The following RBMS3 variants were observed in gnomAD, a reference collection of about 807,000 sequenced individuals.
RBMS3 encodes RNA-binding motif, single-stranded-interacting protein 3.
A neutral mutation model predicts 66.8 loss-of-function variants in RBMS3; 27 were observed. That is an observed-to-expected ratio of 0.40 (90% CI 0.30 to 0.56). The LOEUF is 0.56. Among genes scored for constraint, RBMS3 ranks in the 20% least tolerant of loss-of-function variants. The pLI is 0.40. For missense variants in RBMS3, 513 were observed against 549.5 expected (o/e 0.93, Z 0.66); for synonymous variants, 188 against 183.0 (o/e 1.03, Z -0.22).
At position 29,382,736 on chromosome 3, in the gene RBMS3, C is replaced by T. The variant is rs112804694; in HGVS notation, c.76-52007C>T. On this transcript the variant is annotated intron_variant, in intron 1 of 14. Coordinates refer to ENST00000383767, the MANE Select transcript of RBMS3 (RefSeq NM_001003793.3). ...TGTGGCAATTCAGTATTTTATTTTT[C>T]GTTTATATCCCCTTTCTATACTACC... Among the ~76,000 whole-genome samples the T allele has an allele frequency of 2.5e-3, 378 of 152,178 alleles. 5 individuals are homozygous for T. Among genetic ancestry groups the T allele is most frequent in the African/African-American group, 8.7e-3 (362 of 41,510 alleles).
At chr3:29,797,607 C>A (rs962276863) in intron 6 of RBMS3, 2 of 152,126 alleles carry the variant, frequency 1.3e-5, no homozygotes, top group East Asian at 3.8e-4. Flanking sequence ...CAGACTATCC[C>A]GACTTTTGAC....
intron 3 of RBMS3, among the ~76,000 whole-genome samples, chr3:29,546,108 T>TTGTG (rs71091070): frequency 0.095 from 13,809 of 145,770 alleles, 697 homozygotes; most frequent in South Asian, 0.11. Flanking sequence ...TGAGACGGGT[T>TTGTG]TGTGTGTGTG....
At chr3:29,331,383 A>G (rs1050841424) in intron 1 of RBMS3, among the ~76,000 whole-genome samples, 1 of 152,114 alleles carries the variant, frequency 6.6e-6, no homozygotes, top group African/African-American at 2.4e-5. Context: ...GAACTCCAAT[A>G]TGTAACTTAC....
chr3:29,540,976 C>T (rs2045733756), intron 3 of RBMS3, among the ~76,000 whole-genome samples: 1 of 152,128 alleles, frequency 6.6e-6, no homozygotes, highest in African/African-American at 2.4e-5. Context: ...ATGCAAATAC[C>T]CGCAGCTAAT....
chr3:29,657,545 T>C (rs2050369730), intron 4 of RBMS3, among the ~76,000 whole-genome samples: 1 of 152,224 alleles, frequency 6.6e-6, no homozygotes, highest in Admixed American at 6.5e-5. Context: ...CTTAGGAATG[T>C]CCTGGTGGAA....
At chr3:29,595,702 T>C (rs2047922353) in intron 4 of RBMS3, among the ~76,000 whole-genome samples, 1 of 152,212 alleles carries the variant, frequency 6.6e-6, no homozygotes, top group African/African-American at 2.4e-5. Context: ...CAAAGAAGTA[T>C]GTCAAAATAA....
intron 2 of RBMS3, among the ~76,000 whole-genome samples, chr3:29,471,566 T>C (rs905477923): frequency 9.2e-5 from 14 of 152,080 alleles, no homozygotes; most frequent in African/African-American, 2.9e-4. Flanking sequence ...TATAATCCAA[T>C]TGGGAAAAAT....
intron 2 of RBMS3, among the ~76,000 whole-genome samples, chr3:29,447,350 A>G (rs1221138070): frequency 6.6e-6 from 1 of 152,224 alleles, no homozygotes; most frequent in Non-Finnish European, 1.5e-5. Context: ...ATTCAGATGC[A>G]TGTTAAACTT....
At chr3:29,578,746 T>G (rs2047211106) in intron 3 of RBMS3, among the ~76,000 whole-genome samples, 1 of 150,710 alleles carries the variant, frequency 6.6e-6, no homozygotes, top group African/African-American at 2.4e-5. Flanking sequence ...ATATACAGAA[T>G]GTACAGTATG....
chr3:29,625,869 G>T (rs963842049), intron 4 of RBMS3, among the ~76,000 whole-genome samples: 7 of 152,062 alleles, frequency 4.6e-5, no homozygotes, highest in African/African-American at 1.2e-4. Context: ...CAGCAAATGT[G>T]CTGCCCAGGG....
At chr3:29,701,681 G>C (rs1181419229) in intron 4 of RBMS3, among the ~76,000 whole-genome samples, 1 of 152,144 alleles carries the variant, frequency 6.6e-6, no homozygotes, top group African/African-American at 2.4e-5. Flanking sequence ...AGGCTGGCCG[G>C]CGCCACCGGC....
At chr3:29,615,498 A>T (rs988961940) in intron 4 of RBMS3, among the ~76,000 whole-genome samples, 3 of 152,116 alleles carry the variant, frequency 2.0e-5, no homozygotes, top group Non-Finnish European at 2.9e-5. Context: ...ACACACACAT[A>T]AAATGATTGT....
intron 3 of RBMS3, among the ~76,000 whole-genome samples, chr3:29,497,155 G>A (rs757431375): frequency 4.1e-4 from 62 of 151,920 alleles, no homozygotes; most frequent in Middle Eastern, 3.4e-3. Context: ...GACTACAGGC[G>A]CATTCTACCA....
chr3:29,804,916 T>C (rs988224157), intron 6 of RBMS3, among the ~76,000 whole-genome samples: 5 of 123,938 alleles, frequency 4.0e-5, no homozygotes, highest in Non-Finnish European at 7.0e-5. Flanking sequence ...AGAATCTGCG[T>C]GTACGTGTGT....
At chr3:29,328,089 T>C (rs974409478) in intron 1 of RBMS3, among the ~76,000 whole-genome samples, 2 of 152,198 alleles carry the variant, frequency 1.3e-5, no homozygotes, top group Admixed American at 6.5e-5. Flanking sequence ...ATAACATCAT[T>C]ATGTCTTGCT....
In RBMS3 at chr3:30,006,626, C is replaced by T. The variant is rs1054590481; in HGVS notation, c.*2764C>T. On this transcript the variant is annotated 3_prime_UTR_variant, in exon 15 of 15. Coordinates refer to ENST00000383767, the MANE Select transcript of RBMS3 (RefSeq NM_001003793.3). ...AAGACATGTATGAGAACCATATTTT[C>T]TGTTTCTCTTTTTCACTCTCTAAAC... 1.3e-5 allele frequency: 2 copies of T among 151,854 alleles called. No individual in the cohort carries two copies. Among genetic ancestry groups the T allele is most frequent in the African/African-American group, 2.4e-5 (1 of 41,398 alleles). 9.4% of individuals were successfully genotyped at this position (151,854 alleles called of 1,614,324 possible).
At chr3:29,757,224 G>C (rs146714327) in intron 5 of RBMS3, among the ~76,000 whole-genome samples, 31 of 152,234 alleles carry the variant, frequency 2.0e-4, no homozygotes, top group Middle Eastern at 3.4e-3. Flanking sequence ...CTATCACTCA[G>C]GAAATTCCAA....
At chr3:29,816,160 T>C (rs909494916) in intron 6 of RBMS3, among the ~76,000 whole-genome samples, 12 of 152,070 alleles carry the variant, frequency 7.9e-5, no homozygotes, top group African/African-American at 2.9e-4. Flanking sequence ...TTGACCTCTT[T>C]AAGGGCCTCT....
chr3:29,360,216 A>G (rs923840625), intron 1 of RBMS3, among the ~76,000 whole-genome samples: 4 of 151,158 alleles, frequency 2.6e-5, no homozygotes, highest in Non-Finnish European at 5.9e-5. Flanking sequence ...ACACTGCTTT[A>G]AATGTGTCCC....
Sources: allele counts gnomAD v4.1 joint callset (sites outside exome capture counted in the v4.1 genomes callset), GRCh38; gene constraint gnomAD v4.1.1; transcripts MANE v1.5; gene names NCBI Gene and HGNC (gene_info 2026-07-23, HGNC 2026-07-21).